TASP1: variants seen among roughly 807,000 people sequenced by gnomAD.
The protein encoded by TASP1 is threonine aspartase 1.
TASP1 carries 16 observed loss-of-function variants against 56.6 expected under a neutral mutation model. The observed-to-expected ratio is 0.28, with a 90% CI of 0.19 to 0.43. The LOEUF is 0.43. TASP1 is among the 20% of genes least tolerant of loss of function. The pLI is 1.00. For synonymous variants in TASP1, 179 were observed against 184.2 expected (o/e 0.97, Z 0.23); for missense variants, 393 against 511.6 (o/e 0.77, Z 2.24).
chr20:13,260,146 G>A, the TASP1 span, among the ~76,000 whole-genome samples: 2 of 152,228 alleles, frequency 1.3e-5, no homozygotes, highest in African/African-American at 4.8e-5. Flanking sequence ...AATCTGTACA[G>A]GCAGGTGGCA....
At chr20:13,447,511 T>C (rs959867042) in intron 11 of TASP1, among the ~76,000 whole-genome samples, 3 of 152,110 alleles carry the variant, frequency 2.0e-5, no homozygotes, top group African/African-American at 7.2e-5. Context: ...GCAGAGCTTA[T>C]TAAAGGGCAG....
the TASP1 span, among the ~76,000 whole-genome samples, chr20:13,243,592 C>T: frequency 7.4e-4 from 113 of 152,228 alleles, 2 homozygotes; most frequent in African/African-American, 2.6e-3. Flanking sequence ...AGCAGTAAAA[C>T]GACCATCTGA....
intron 12 of TASP1, among the ~76,000 whole-genome samples, chr20:13,427,194 AC>A (rs1164430435): frequency 1.3e-5 from 2 of 152,206 alleles, no homozygotes; most frequent in African/African-American, 2.4e-5. Context: ...TACCAGTAAA[AC>A]CAAAAGGCGG....
intron 10 of TASP1, among the ~76,000 whole-genome samples, chr20:13,516,485 A>C (rs1174596993): frequency 6.6e-6 from 1 of 152,032 alleles, no homozygotes; most frequent in Admixed American, 6.6e-5. Flanking sequence ...ATATGAAGGG[A>C]GCTTAGAAAG....
At chr20:13,335,662 T>C in the TASP1 span, among the ~76,000 whole-genome samples, 1 of 151,988 alleles carries the variant, frequency 6.6e-6, no homozygotes, top group Non-Finnish European at 1.5e-5. Flanking sequence ...TATTGTATCA[T>C]GCTGTTGTGA....
intron 6 of TASP1, among the ~76,000 whole-genome samples, chr20:13,578,988 A>G (rs74491061): frequency 0.017 from 2,644 of 152,300 alleles, 85 homozygotes; most frequent in African/African-American, 0.058. Flanking sequence ...GAGTGGGGTC[A>G]ATGGGATTAT....
the TASP1 span, among the ~76,000 whole-genome samples, chr20:13,323,061 C>T: frequency 7.2e-5 from 11 of 152,012 alleles, no homozygotes. Flanking sequence ...TGGGGGAAGA[C>T]ACCACCCAGG....
intron 10 of TASP1, among the ~76,000 whole-genome samples, chr20:13,526,441 A>G (rs1235841572): frequency 3.3e-5 from 5 of 152,182 alleles, no homozygotes; most frequent in Admixed American, 2.0e-4. Context: ...ACGGGGCCAT[A>G]CTAAATTATG....
downstream of TASP1, among the ~76,000 whole-genome samples, chr20:13,386,283 G>A (rs976037454): frequency 1.3e-5 from 2 of 152,158 alleles, no homozygotes; most frequent in African/African-American, 4.8e-5. Flanking sequence ...CATTTTGGGA[G>A]TTCAATATAG....
the TASP1 span, among the ~76,000 whole-genome samples, chr20:13,161,945 T>C: frequency 2.3e-3 from 351 of 152,310 alleles, no homozygotes; most frequent in Middle Eastern, 6.8e-3. Flanking sequence ...AGTAGCATGT[T>C]AACAACTGAG....
the TASP1 span, among the ~76,000 whole-genome samples, chr20:13,116,692 A>G: frequency 6.6e-6 from 1 of 152,190 alleles, no homozygotes; most frequent in Admixed American, 6.5e-5. Context: ...ATCATGAAAA[A>G]TAAAACAGTT....
At chr20:13,525,011 T>C (rs2044917471) in intron 10 of TASP1, among the ~76,000 whole-genome samples, 1 of 152,188 alleles carries the variant, frequency 6.6e-6, no homozygotes, top group Non-Finnish European at 1.5e-5. Context: ...TTCTCACTGA[T>C]GAGACATCCC....
At chr20:13,235,312 A>G in the TASP1 span, among the ~76,000 whole-genome samples, 4 of 152,238 alleles carry the variant, frequency 2.6e-5, no homozygotes, top group African/African-American at 4.8e-5. Context: ...TTCATCAGCC[A>G]AAGCAAGTCA....
chr20:13,171,485 A>G, the TASP1 span, among the ~76,000 whole-genome samples: 1 of 152,214 alleles, frequency 6.6e-6, no homozygotes, highest in Non-Finnish European at 1.5e-5. Flanking sequence ...AGTGGGACCA[A>G]TCAAAGTTAA....
the TASP1 span, chr20:13,165,661 G>A: frequency 1.3e-5 from 2 of 152,176 alleles, no homozygotes; most frequent in Admixed American, 6.5e-5. Flanking sequence ...CCTTGTTGGT[G>A]CAGTGCACGG....
At chr20:13,117,666 C>A in the TASP1 span, 1 of 1,613,878 alleles carries the variant, frequency 6.2e-7, no homozygotes. Context: ...AGTTGATGTG[C>A]TCATGGGCAC....
At chr20:13,202,948 A>G in the TASP1 span, among the ~76,000 whole-genome samples, 2 of 152,248 alleles carry the variant, frequency 1.3e-5, no homozygotes, top group African/African-American at 4.8e-5. Flanking sequence ...GCCTGCAAGC[A>G]GAACTTAACA....
intron 12 of TASP1, among the ~76,000 whole-genome samples, chr20:13,429,404 T>C (rs961894627): frequency 8.5e-5 from 13 of 152,062 alleles, no homozygotes; most frequent in African/African-American, 1.7e-4. Flanking sequence ...AGTTGAGACA[T>C]TGAGAATGAA....
chr20:13,165,593 A>C, the TASP1 span: 1 of 152,248 alleles, frequency 6.6e-6, no homozygotes, highest in Non-Finnish European at 1.5e-5. Context: ...AAAGGGGCAG[A>C]AAGCAAGCAC....
Sources: gnomAD v4.1 joint callset for allele counts (sites outside exome capture counted in the v4.1 genomes callset) on GRCh38, gnomAD v4.1.1 for gene constraint, MANE v1.5 for transcripts, NCBI Gene and HGNC (gene_info 2026-07-23, HGNC 2026-07-21) for gene names.